The following ACOXL variants were observed in gnomAD, a reference collection of about 807,000 sequenced individuals.
ACOXL encodes the protein acyl-coenzyme A oxidase-like protein.
A neutral mutation model predicts 71.9 loss-of-function variants in ACOXL; 70 were observed. The observed-to-expected ratio is 0.97, with a 90% CI of 0.80 to 1.19. ACOXL has a LOEUF of 1.19. Ranked by LOEUF, ACOXL falls within the 50% of genes most tolerant of loss-of-function variation. ACOXL has a pLI of 0.00. For synonymous variants in ACOXL, 253 were observed against 281.6 expected (o/e 0.90, Z 1.02); for missense variants, 703 against 736.3 (o/e 0.95, Z 0.52).
intron 11 of ACOXL, among the ~76,000 whole-genome samples, chr2:110,930,135 C>T (rs936967755): frequency 3.3e-5 from 5 of 152,214 alleles, no homozygotes; most frequent in Non-Finnish European, 4.4e-5. Flanking sequence ...TCACTGCCAG[C>T]TTGTGAAAGT....
chr2:110,825,929 G>A (rs893402932), intron 9 of ACOXL, among the ~76,000 whole-genome samples: 2 of 152,138 alleles, frequency 1.3e-5, no homozygotes, highest in Non-Finnish European at 2.9e-5. Flanking sequence ...AGGAAGGTGT[G>A]GAGGAGAGAA....
intron 3 of ACOXL, among the ~76,000 whole-genome samples, chr2:110,787,075 G>A (rs1684049555): frequency 6.6e-6 from 1 of 152,014 alleles, no homozygotes; most frequent in Non-Finnish European, 1.5e-5. Context: ...GTAGGTAGGG[G>A]TGGCGGGGGG....
chr2:110,797,483 T>C (rs1274104085), intron 5 of ACOXL, among the ~76,000 whole-genome samples: 2 of 152,246 alleles, frequency 1.3e-5, no homozygotes, highest in African/African-American at 4.8e-5. Flanking sequence ...GGGATTTCTT[T>C]TTATAAAAAT....
At chr2:110,835,976 CA>C (rs1448015318) in intron 9 of ACOXL, among the ~76,000 whole-genome samples, 1 of 152,212 alleles carries the variant, frequency 6.6e-6, no homozygotes, top group African/African-American at 2.4e-5. Flanking sequence ...AATGAAGAAA[CA>C]GGCTGGAAAG....
In ACOXL at chr2:110,801,274, A is replaced by G. The variant is rs141582346; in HGVS notation, c.548-378A>G. Among the ~76,000 whole-genome samples, 98 of 152,232 alleles carry G rather than the reference A, an allele frequency of 6.4e-4. 1 individual carries two copies. Among genetic ancestry groups the G allele is most frequent in the Non-Finnish European group, 1.1e-3 (75 of 68,014 alleles). On this transcript the variant is annotated intron_variant, in intron 7 of 17. Transcript: ENST00000439055. ...GAGCACTGCATTCCTGGGGAGAGCA[A>G]TCCTGCTACCCTGCCTCTGTGTTCA...
chr2:110,937,624 G>T (rs1465424686), intron 12 of ACOXL, among the ~76,000 whole-genome samples: 1 of 152,182 alleles, frequency 6.6e-6, no homozygotes, highest in African/African-American at 2.4e-5. Flanking sequence ...ATGCATACAT[G>T]CTGCATCTTC....
intron 2 of ACOXL, among the ~76,000 whole-genome samples, chr2:110,782,623 T>C (rs1683475661): frequency 1.3e-5 from 2 of 152,242 alleles, no homozygotes; most frequent in Non-Finnish European, 1.5e-5. Context: ...TAATGCTCTA[T>C]GATGGCTAAA....
chr2:111,064,857 G>A (rs1419439814), intron 16 of ACOXL, among the ~76,000 whole-genome samples: 2 of 152,144 alleles, frequency 1.3e-5, no homozygotes, highest in South Asian at 2.1e-4. Flanking sequence ...ACAAATCAAC[G>A]TAGAGCTATA....
At chr2:110,794,260 C>A in intron 5 of ACOXL, 86 bp downstream of exon 5, 1 of 1,316,846 alleles carries the variant, frequency 7.6e-7, no homozygotes, top group Non-Finnish European at 1.1e-6. Context: ...TCCAGCTTCA[C>A]ACCCTCTGTG....
chr2:110,774,552 T>G (rs1216888353), intron 2 of ACOXL, among the ~76,000 whole-genome samples: 2 of 152,092 alleles, frequency 1.3e-5, no homozygotes, highest in Admixed American at 1.3e-4. Context: ...AAAATGAAAT[T>G]GAGAAAACAA....
chr2:110,752,749 G>A (rs990350281), intron 1 of ACOXL, among the ~76,000 whole-genome samples: 1 of 152,036 alleles, frequency 6.6e-6, no homozygotes, highest in African/African-American at 2.4e-5. Flanking sequence ...TGACACTACT[G>A]TGTGTATTAG....
intron 10 of ACOXL, among the ~76,000 whole-genome samples, chr2:110,895,906 A>G (rs1001210924): frequency 1.3e-5 from 2 of 152,114 alleles, no homozygotes; most frequent in African/African-American, 4.8e-5. Flanking sequence ...ACAGAAAGGA[A>G]ACAATAAAAG....
intron 10 of ACOXL, among the ~76,000 whole-genome samples, chr2:110,852,235 T>G (rs771374271): frequency 6.6e-6 from 1 of 152,184 alleles, no homozygotes. Flanking sequence ...CGCTTGACAG[T>G]AAGCCTGAGG....
intron 12 of ACOXL, among the ~76,000 whole-genome samples, chr2:110,970,573 A>T (rs1166141423): frequency 6.6e-6 from 1 of 152,224 alleles, no homozygotes; most frequent in Non-Finnish European, 1.5e-5. Context: ...GATTAGGAAA[A>T]AGGCAAGAAT....
At chr2:110,775,879 A>G (rs1573458346) in intron 2 of ACOXL, among the ~76,000 whole-genome samples, 1 of 152,342 alleles carries the variant, frequency 6.6e-6, no homozygotes, top group East Asian at 1.9e-4. Context: ...ATGTAGAATT[A>G]CAATGCGATC....
At chr2:110,897,527 T>C (rs2059061352) in intron 10 of ACOXL, among the ~76,000 whole-genome samples, 1 of 148,984 alleles carries the variant, frequency 6.7e-6, no homozygotes, top group South Asian at 2.1e-4. Context: ...AGTGCACTCC[T>C]CTCATCAATC....
chr2:110,939,776 A>AT (rs149485198), intron 12 of ACOXL, among the ~76,000 whole-genome samples: 3 of 152,106 alleles, frequency 2.0e-5, no homozygotes, highest in East Asian at 1.9e-4. Context: ...AACATTTGGG[A>AT]TTTTTTTGCA....
chr2:111,066,534 C>T (rs988397393), intron 16 of ACOXL, among the ~76,000 whole-genome samples: 9 of 151,906 alleles, frequency 5.9e-5, no homozygotes, highest in Non-Finnish European at 1.0e-4. Flanking sequence ...TACCATTGGG[C>T]GAAACTGGGT....
chr2:111,020,930 T>C (rs1308686639), intron 14 of ACOXL, among the ~76,000 whole-genome samples: 1 of 152,226 alleles, frequency 6.6e-6, no homozygotes, highest in East Asian at 1.9e-4. Context: ...ACATGGAAGG[T>C]GCTCAGTATG....
Sources: gnomAD v4.1 joint callset for allele counts (sites outside exome capture counted in the v4.1 genomes callset) on GRCh38, gnomAD v4.1.1 for gene constraint, MANE v1.5 for transcripts, NCBI Gene and HGNC (gene_info 2026-07-23, HGNC 2026-07-21) for gene names.